CTTNBP2: variants seen among roughly 807,000 people sequenced by gnomAD.
The protein encoded by CTTNBP2 is cortactin binding protein 2.
CTTNBP2 carries 108 observed loss-of-function variants against 156.9 expected under a neutral mutation model. The observed-to-expected ratio is 0.69, with a 90% CI of 0.59 to 0.81. The LOEUF is 0.81. CTTNBP2 is among the 30% of genes least tolerant of loss of function. The pLI, the probability that CTTNBP2 is intolerant of heterozygous loss-of-function variation, is 0.00. For synonymous variants in CTTNBP2, 767 were observed against 751.8 expected (o/e 1.02, Z -0.33); for missense variants, 1,924 against 2,035.4 (o/e 0.95, Z 1.05).
intron 3 of CTTNBP2, among the ~76,000 whole-genome samples, chr7:117,798,554 A>G (rs1799444969): frequency 6.6e-6 from 1 of 152,158 alleles, no homozygotes; most frequent in African/African-American, 2.4e-5. Flanking sequence ...AGAACACAGC[A>G]TACCAAAATT....
chr7:117,795,387 C>T (rs1799262493), intron 3 of CTTNBP2, among the ~76,000 whole-genome samples: 1 of 152,080 alleles, frequency 6.6e-6, no homozygotes, highest in Non-Finnish European at 1.5e-5. Context: ...AAAATTCTTA[C>T]AGCAATGTAA....
chr7:117,861,210 C>T lies in CTTNBP2; in HGVS notation c.188G>A (p.Arg63Gln), dbSNP rs376703729. The T allele has an allele frequency of 1.7e-5, 28 of 1,606,720 alleles. No homozygotes were observed. Among genetic ancestry groups the T allele is most frequent in the South Asian group, 2.2e-5 (2 of 90,408 alleles). The change falls in exon 2 of 23, where the codon CGG becomes CAG. Residue 63 changes from arginine (R) to glutamine (Q), a missense_variant and splice_region_variant. Physicochemically the swap from Arg to Gln is conservative, Grantham distance 43. Coordinates refer to ENST00000160373, the MANE Select transcript of CTTNBP2 (RefSeq NM_033427.3). ...GACCCACTCCTGTGTCGTCCTTACC[C>T]GCAGGGCCTCGATGACAAGGTCTCT... ...EARDLVIEAL[R>Q]ARRKEVFIQE...
rs370725221 is a variant in CTTNBP2, at chr7:117,771,103, T to A, written c.2779-3927A>T. 4.6e-5 allele frequency among the ~76,000 whole-genome samples: 7 copies of A among 151,754 alleles called. No individual in the cohort carries two copies. In the East Asian group the frequency reaches 7.8e-4, roughly 17 times the overall value. ...TGTCTTTATGCTGGGTGCCCATGGG[T>A]CCAGCTGAAACAGAGGGATCCGTTA... On this transcript the variant is annotated intron_variant, in intron 8 of 22. Coordinates refer to ENST00000160373, the MANE Select transcript of CTTNBP2 (RefSeq NM_033427.3).
At chr7:117,830,569 A>G (rs1397795388) in intron 2 of CTTNBP2, among the ~76,000 whole-genome samples, 2 of 152,232 alleles carry the variant, frequency 1.3e-5, no homozygotes, top group African/African-American at 4.8e-5. Context: ...GAAAGTAAAG[A>G]ATTAGAAAGC....
chr7:117,799,980 A>C (rs1799525498), intron 3 of CTTNBP2, among the ~76,000 whole-genome samples: 1 of 152,084 alleles, frequency 6.6e-6, no homozygotes, highest in African/African-American at 2.4e-5. Flanking sequence ...TAGAAGCCAA[A>C]TGTTGCTAAG....
At chr7:117,841,468 T>C (rs1418320811) in intron 2 of CTTNBP2, among the ~76,000 whole-genome samples, 1 of 152,184 alleles carries the variant, frequency 6.6e-6, no homozygotes, top group African/African-American at 2.4e-5. Context: ...TTGGAACATT[T>C]TAGCCTTGTA....
chr7:117,724,475 A>G, intron 19 of CTTNBP2, 72 bp downstream of exon 19: 2 of 1,278,746 alleles, frequency 1.6e-6, no homozygotes, highest in Non-Finnish European at 2.2e-6. Context: ...AAATGAAAGC[A>G]TATTTGCTTT....
intron 4 of CTTNBP2, among the ~76,000 whole-genome samples, chr7:117,786,717 T>C (rs1319814100): frequency 2.0e-5 from 3 of 152,218 alleles, no homozygotes; most frequent in East Asian, 1.9e-4. Context: ...TTTTGGGTTT[T>C]GTTTACATTT....
intron 12 of CTTNBP2, among the ~76,000 whole-genome samples, chr7:117,754,052 G>A (rs565917730): frequency 1.2e-4 from 18 of 152,306 alleles, no homozygotes; most frequent in African/African-American, 4.1e-4. Context: ...AATTCCCTCA[G>A]TGGCTTCCTA....
At chr7:117,777,284 CTTA>C (rs960054786) in intron 8 of CTTNBP2, among the ~76,000 whole-genome samples, 6 of 152,124 alleles carry the variant, frequency 3.9e-5, no homozygotes, top group Non-Finnish European at 8.8e-5. Context: ...CCTCATATTT[CTTA>C]TTAACAAACT....
Position 117,777,879 on chromosome 7 carries a change from A to T in CTTNBP2, c.2524-114T>A, listed in dbSNP as rs546402419. ...GGGCATGGACCACTGAGCTGGGAAA[A>T]GCAGGCATTCCAATCCTGAACATTA... On this transcript the variant is annotated intron_variant, in intron 7 of 22. Transcript: ENST00000160373. The T allele has an allele frequency of 2.7e-5, 27 of 1,007,898 alleles. No homozygotes were observed. The African/African-American group carries it at 4.0e-4, about 15-fold the overall frequency. The allele number at this position is 1,007,898 out of a possible 1,614,324, so 62.4% of individuals were successfully genotyped here.
chr7:117,728,072 G>A lies in CTTNBP2; in HGVS notation c.4055+17C>T. On this transcript the variant is annotated intron_variant, in intron 17 of 22. Transcript: ENST00000160373. ...GTCTCTATCATAAGCAGAAAGATAA[G>A]GAAAAATGGCACTTACTTCACTGTC... The A allele has an allele frequency of 6.2e-7, 1 of 1,607,044 alleles. No individual in the cohort carries two copies.
intron 1 of CTTNBP2, among the ~76,000 whole-genome samples, chr7:117,863,168 A>G (rs1803886668): frequency 1.3e-5 from 2 of 152,264 alleles, no homozygotes; most frequent in Non-Finnish European, 2.9e-5. Flanking sequence ...GAAAGAGACT[A>G]GAGCTAGGGG....
At chr7:117,778,961 A>T (rs185118484) in intron 7 of CTTNBP2, among the ~76,000 whole-genome samples, 1 of 152,198 alleles carries the variant, frequency 6.6e-6, no homozygotes, top group Non-Finnish European at 1.5e-5. Flanking sequence ...ATAGGCAATA[A>T]ATACGAACAA....
chr7:117,821,212 C>A (rs1194195701), intron 2 of CTTNBP2, among the ~76,000 whole-genome samples: 3 of 151,972 alleles, frequency 2.0e-5, no homozygotes, highest in Admixed American at 6.6e-5. Flanking sequence ...TTATTTTATT[C>A]CCATCTTGCA....
rs747514669 is a variant in CTTNBP2 at position 117,791,761 on chromosome 7, G to A, written c.1435C>T (p.Arg479Cys). The A allele has an allele frequency of 1.2e-5, 19 of 1,614,060 alleles. No homozygotes were observed. The East Asian group carries it at 3.3e-4, about 28-fold the overall frequency. The change falls in exon 4 of 23, where the codon CGT becomes TGT. Residue 479 changes from arginine to cysteine, a missense_variant. Arg to Cys is a radical substitution (Grantham distance 180, BLOSUM62 -3). Transcript: ENST00000160373. The part of the protein sequence containing the change: ...PPSRDVSPTS[R>C]DNLVAKQLAR... ...AGTTGTTTGGCCACTAGGTTGTCAC[G>A]ACTTGTAGGCGAGACATCTCTTGAC... is the stretch of plus-strand genomic sequence containing the variant.
chr7:117,844,773 A>C (rs1802488789), intron 2 of CTTNBP2, among the ~76,000 whole-genome samples: 1 of 152,074 alleles, frequency 6.6e-6, no homozygotes, highest in Non-Finnish European at 1.5e-5. Context: ...TGCCAGAGCG[A>C]GGGGAGGAAA....
chr7:117,763,293 T>C (rs1797302828), intron 9 of CTTNBP2, among the ~76,000 whole-genome samples: 2 of 152,282 alleles, frequency 1.3e-5, no homozygotes, highest in South Asian at 2.1e-4. Context: ...AAAAGGTGTT[T>C]ATTCAATGGA....
intron 12 of CTTNBP2, among the ~76,000 whole-genome samples, chr7:117,750,815 C>T (rs1358793055): frequency 1.3e-5 from 2 of 152,058 alleles, no homozygotes; most frequent in Non-Finnish European, 1.5e-5. Context: ...AAGATAGATA[C>T]GTAGGCAGAT....
Sources: gnomAD v4.1 joint callset for allele counts (sites outside exome capture counted in the v4.1 genomes callset) on GRCh38, gnomAD v4.1.1 for gene constraint, MANE v1.5 for transcripts, NCBI Gene and HGNC (gene_info 2026-07-23, HGNC 2026-07-21) for gene names.